Variants in COL22A1 observed in about 807,000 individuals in gnomAD.
The protein encoded by COL22A1 is collagen type XXII alpha 1 chain, also known as collagen alpha-1(XXII) chain.
In COL22A1, 221 loss-of-function variants were observed where a neutral mutation model predicts 248.9. The ratio of observed to expected loss-of-function variants is 0.89; its 90% CI spans 0.80 to 0.99. The LOEUF is 0.99. COL22A1 is among the 50% of genes least tolerant of loss of function. The pLI, the probability that COL22A1 is intolerant of heterozygous loss-of-function variation, is 0.00. For missense variants in COL22A1, 2,240 were observed against 2,179.0 expected (o/e 1.03, Z -0.56); for synonymous variants, 891 against 793.4 (o/e 1.12, Z -2.07).
intron 28 of COL22A1, 137 bp from the exon 29 acceptor site, chr8:138,716,426 G>A (rs1317419273): frequency 3.1e-6 from 2 of 644,220 alleles, no homozygotes; most frequent in African/African-American, 1.8e-5. Context: ...GGAAAGCAAT[G>A]CAGTGGAGAA....
At chr8:138,698,620 T>G (rs1437998899) in intron 32 of COL22A1, among the ~76,000 whole-genome samples, 1 of 152,132 alleles carries the variant, frequency 6.6e-6, no homozygotes, top group Non-Finnish European at 1.5e-5. Context: ...TGCCTCCTCA[T>G]GCAGTGAGTG....
In COL22A1 at chr8:138,716,242, T is replaced by G; in HGVS notation, c.2448A>C (p.Gly816=). 1.3e-6 allele frequency: 2 copies of G among 1,589,310 alleles called. No homozygotes were observed. The highest frequency in any genetic ancestry group is 1.7e-6 in the Non-Finnish European group (2 of 1,165,852). ...CCACACTTACCTGGTCTCCTTTCTC[T>G]CCTCTCACACCTGGGAAGCCTGGAG... ...PGAPGFPGVR[G]EKGDQGEKGE... Residue 816 remains glycine, a synonymous_variant, in exon 29 of 65, where the codon GGA becomes GGC. Coordinates refer to ENST00000303045, the MANE Select transcript of COL22A1 (RefSeq NM_152888.3).
chr8:138,838,178 C>T (rs1399125238), intron 4 of COL22A1, among the ~76,000 whole-genome samples: 1 of 152,120 alleles, frequency 6.6e-6, no homozygotes, highest in East Asian at 1.9e-4. Flanking sequence ...GCCCCTTAAG[C>T]CCCCATTTGT....
Position 138,676,616 on chromosome 8 carries a change from C to T in COL22A1, c.3092G>A (p.Gly1031Glu). The T allele has an allele frequency of 1.3e-6, 2 of 1,566,540 alleles. No individual in the cohort carries two copies. Among genetic ancestry groups the T allele is most frequent in the Non-Finnish European group, 1.7e-6 (2 of 1,154,638 alleles). Reference sequence around the variant, plus strand: ...ACGGCTGCCAGGAGAACCAGGGATCCCAGGAGCTCCTCGATCCCCCTAGAA... The same window carrying T: ...ACGGCTGCCAGGAGAACCAGGGATCTCAGGAGCTCCTCGATCCCCCTAGAA... The part of the protein sequence containing the change: ...QCVKGDRGAP[G>E]IPGSPGSRGD... The change falls in exon 41 of 65, where the codon GGG (glycine) becomes GAG (glutamate). Residue 1031 changes from glycine to glutamate, a missense_variant. Transcript: ENST00000303045.
chr8:138,694,662 A>T, intron 33 of COL22A1, 101 bp from the exon 34 acceptor site: 5 of 1,410,018 alleles, frequency 3.5e-6, no homozygotes, highest in Non-Finnish European at 4.9e-6. Flanking sequence ...TTGAGATCCA[A>T]GGAGGGGACG....
chr8:138,798,789 A>C (rs1816765102), intron 11 of COL22A1, among the ~76,000 whole-genome samples: 1 of 151,932 alleles, frequency 6.6e-6, no homozygotes, highest in South Asian at 2.1e-4. Flanking sequence ...GGTTTTTGGC[A>C]TTTTTACTAT....
chr8:138,617,521 A>C (rs1819437344), intron 53 of COL22A1, among the ~76,000 whole-genome samples: 1 of 152,146 alleles, frequency 6.6e-6, no homozygotes, highest in Non-Finnish European at 1.5e-5. Context: ...GCACCACTAC[A>C]GAGTTTCAGG....
intron 3 of COL22A1, among the ~76,000 whole-genome samples, chr8:138,871,217 G>A (rs1014297975): frequency 2.0e-5 from 3 of 152,156 alleles, no homozygotes; most frequent in African/African-American, 7.2e-5. Context: ...CAAAGGGAAA[G>A]ATAATTGCAG....
intron 16 of COL22A1, among the ~76,000 whole-genome samples, chr8:138,767,028 C>T (rs922243826): frequency 5.3e-5 from 8 of 152,236 alleles, no homozygotes; most frequent in Admixed American, 3.9e-4. Context: ...GACTCAGATC[C>T]AAACCCTGGC....
intron 41 of COL22A1, among the ~76,000 whole-genome samples, chr8:138,673,291 T>C (rs1825206108): frequency 6.7e-6 from 1 of 149,374 alleles, no homozygotes; most frequent in African/African-American, 2.5e-5. Flanking sequence ...CTCACTGCAA[T>C]CTCCACCTCC....
chr8:138,611,524 C>G (rs1818863715), intron 56 of COL22A1, among the ~76,000 whole-genome samples: 1 of 152,188 alleles, frequency 6.6e-6, no homozygotes, highest in South Asian at 2.1e-4. Flanking sequence ...CCTTATCACT[C>G]CCTCCCCAGT....
chr8:138,744,576 G>A (rs192089360), intron 22 of COL22A1, among the ~76,000 whole-genome samples: 14 of 152,218 alleles, frequency 9.2e-5, no homozygotes, highest in Non-Finnish European at 1.6e-4. Context: ...CCAGGTATAA[G>A]TACCCTCACT....
chr8:138,652,735 G>GTTTTTTTTTTTTTTTTTTTTTT lies in COL22A1; in HGVS notation c.3334-2979_3334-2958dup, dbSNP rs71316352. Among the ~76,000 whole-genome samples, 13 of 54,282 alleles carry GTTTTTTTTTTTTTTTTTTTTTT rather than the reference G, an allele frequency of 2.4e-4. 3 individuals carry two copies. Among genetic ancestry groups the GTTTTTTTTTTTTTTTTTTTTTT allele is most frequent in the Non-Finnish European group, 4.1e-4 (12 of 28,984 alleles). The allele number at this position is 54,282 out of a possible 152,430, so 35.6% of individuals were successfully genotyped here. On this transcript the variant is annotated intron_variant, in intron 45 of 64. Coordinates refer to ENST00000303045, the MANE Select transcript of COL22A1 (RefSeq NM_152888.3). The stretch of plus-strand genomic sequence containing the variant: ...TAAAATATTTTCTTTTCCTTTTCTG[G>GTTTTTTTTTTTTTTTTTTTTTT]TTTTTTTTTTTTTTTTTTTTTTTTT...
intron 45 of COL22A1, among the ~76,000 whole-genome samples, chr8:138,655,539 T>C (rs1053190281): frequency 2.0e-5 from 3 of 151,902 alleles, no homozygotes; most frequent in African/African-American, 7.3e-5. Flanking sequence ...TTAAAAAACA[T>C]TTTTTTTGGT....
chr8:138,686,713 A>C (rs1053078200), intron 37 of COL22A1, among the ~76,000 whole-genome samples: 133 of 152,256 alleles, frequency 8.7e-4, no homozygotes, highest in African/African-American at 3.2e-3. Context: ...GAATGTGGCA[A>C]TAGCCCACTG....
intron 3 of COL22A1, among the ~76,000 whole-genome samples, chr8:138,861,828 A>T (rs529250316): frequency 6.6e-6 from 1 of 152,316 alleles, no homozygotes; most frequent in South Asian, 2.1e-4. Context: ...ACAGTTTGCA[A>T]AAAATTCATC....
Position 138,704,717 on chromosome 8 carries a change from C to T in COL22A1, c.2518-1370G>A, listed in dbSNP as rs189262955. Among the ~76,000 whole-genome samples, 1,220 of 152,284 alleles carry T rather than the reference C, an allele frequency of 8.0e-3. 7 individuals are homozygous for T. The highest frequency in any genetic ancestry group is 0.035 in the South Asian group (170 of 4,826). ...GAAAATTCTAAAAATCAGAGCGCCT[C>T]GCCTCCTCCAAAGGAATGCAGCTCC... On this transcript the variant is annotated intron_variant, in intron 30 of 64. Coordinates refer to ENST00000303045, the MANE Select transcript of COL22A1 (RefSeq NM_152888.3).
At chr8:138,612,042 G>A (rs929657539) in intron 56 of COL22A1, among the ~76,000 whole-genome samples, 15 of 151,764 alleles carry the variant, frequency 9.9e-5, no homozygotes, top group Admixed American at 1.3e-4. Flanking sequence ...AGCCAGTTGC[G>A]AAAGATAAAG....
chr8:138,807,878 A>ATTACCATCCAG, intron 9 of COL22A1, 66 bp from the exon 10 acceptor site: 3 of 1,513,092 alleles, frequency 2.0e-6, no homozygotes, highest in Non-Finnish European at 2.7e-6. Context: ...TCAACACTGG[A>ATTACCATCCAG]TGGTAATCCA....
Sources: allele counts gnomAD v4.1 joint callset (sites outside exome capture counted in the v4.1 genomes callset), GRCh38; gene constraint gnomAD v4.1.1; transcripts MANE v1.5; gene names NCBI Gene and HGNC (gene_info 2026-07-23, HGNC 2026-07-21).